Variants in HFM1 observed in about 807,000 individuals in gnomAD.
HFM1 encodes the protein probable ATP-dependent DNA helicase HFM1.
Under a neutral mutation model 192.1 loss-of-function variants are expected in HFM1, and 169 were observed. That is an observed-to-expected ratio of 0.88 (90% CI 0.78 to 1.00). The LOEUF is 1.00. HFM1 is among the 50% of genes least tolerant of loss of function. HFM1 has a pLI of 0.00. For missense variants in HFM1, 1,661 were observed against 1,668.0 expected (o/e 1.00, Z 0.07); for synonymous variants, 525 against 537.8 (o/e 0.98, Z 0.33).
At chr1:91,401,980 A>G (rs963335808) in intron 1 of HFM1, among the ~76,000 whole-genome samples, 9 of 152,078 alleles carry the variant, frequency 5.9e-5, no homozygotes, top group Non-Finnish European at 1.3e-4. Context: ...TTCCCTGCAT[A>G]TCCTATTTTT....
intron 13 of HFM1, among the ~76,000 whole-genome samples, chr1:91,370,847 T>G (rs1285458346): frequency 2.0e-5 from 3 of 152,098 alleles, no homozygotes; most frequent in Admixed American, 1.3e-4. Context: ...AAACCCCATG[T>G]TCCCAGCGCA....
Position 91,276,382 on chromosome 1 carries a change from G to A in HFM1, c.3588+246C>T, listed in dbSNP as rs114009081. On this transcript the variant is annotated intron_variant, in intron 32 of 38. Transcript: ENST00000370425. ...GATTGGGAATAAGACTGTCTTAATC[G>A]TCACTGTATCTTAGCACTTTGGCAT... Among the ~76,000 whole-genome samples the A allele has an allele frequency of 2.7e-3, 417 of 152,122 alleles. 1 individual carries two copies. The highest frequency in any genetic ancestry group is 9.2e-3 in the African/African-American group (380 of 41,502).
At chr1:91,378,344 T>C in intron 10 of HFM1, 59 bp downstream of exon 10, 2 of 1,393,232 alleles carry the variant, frequency 1.4e-6, no homozygotes, top group African/African-American at 1.4e-5. Context: ...TCTTTTTTCT[T>C]TCTGTCTTAT....
chr1:91,298,715 T>C (rs1359736152), intron 30 of HFM1, among the ~76,000 whole-genome samples: 1 of 152,060 alleles, frequency 6.6e-6, no homozygotes, highest in Non-Finnish European at 1.5e-5. Flanking sequence ...AGAAGTAAAA[T>C]CCTTTACAGA....
intron 30 of HFM1, among the ~76,000 whole-genome samples, chr1:91,284,139 G>C (rs2100845786): frequency 6.6e-6 from 1 of 152,114 alleles, no homozygotes; most frequent in South Asian, 2.1e-4. Flanking sequence ...ATAAAGAAAA[G>C]TAGACTGCCT....
chr1:91,277,156 G>T, intron 30 of HFM1, 94 bp from the exon 31 acceptor site: 1 of 625,270 alleles, frequency 1.6e-6, no homozygotes, highest in Non-Finnish European at 2.6e-6. Flanking sequence ...CTTCCTTTCA[G>T]ACAATACAAA....
intron 20 of HFM1, among the ~76,000 whole-genome samples, chr1:91,330,574 A>G (rs958151816): frequency 6.6e-6 from 1 of 152,218 alleles, no homozygotes; most frequent in African/African-American, 2.4e-5. Context: ...CCAAACATTT[A>G]AAGAAGAACT....
intron 4 of HFM1, among the ~76,000 whole-genome samples, chr1:91,392,307 T>C (rs960513612): frequency 3.3e-5 from 5 of 152,234 alleles, no homozygotes; most frequent in African/African-American, 1.2e-4. Flanking sequence ...CGTATGTTTA[T>C]TGCGGCACTA....
intron 30 of HFM1, among the ~76,000 whole-genome samples, chr1:91,308,533 C>T (rs1649975310): frequency 6.6e-6 from 1 of 151,988 alleles, no homozygotes; most frequent in Admixed American, 6.6e-5. Context: ...TTATTTTATA[C>T]TTTTTTTAAA....
At chr1:91,299,319 C>T (rs1648266686) in intron 30 of HFM1, among the ~76,000 whole-genome samples, 1 of 152,050 alleles carries the variant, frequency 6.6e-6, no homozygotes, top group South Asian at 2.1e-4. Flanking sequence ...ACTTAGACTC[C>T]CACACAATAA....
At chr1:91,388,279 G>T (rs981215116) in intron 4 of HFM1, among the ~76,000 whole-genome samples, 1 of 152,184 alleles carries the variant, frequency 6.6e-6, no homozygotes, top group Non-Finnish European at 1.5e-5. Flanking sequence ...TGGGTAGCCT[G>T]GGAATCTCAT....
chr1:91,394,033 A>T, intron 4 of HFM1, 60 bp downstream of exon 4: 1 of 930,756 alleles, frequency 1.1e-6, no homozygotes. Flanking sequence ...TAATACTTTT[A>T]TATGTACAAA....
intron 30 of HFM1, among the ~76,000 whole-genome samples, chr1:91,279,854 C>T (rs1583817): frequency 0.69 from 104,621 of 151,846 alleles, 36,277 homozygotes; most frequent in East Asian, 0.84. Flanking sequence ...CTGTATGCTG[C>T]CTTATATTGA....
intron 13 of HFM1, among the ~76,000 whole-genome samples, chr1:91,360,268 C>G (rs575964797): frequency 9.9e-5 from 15 of 152,096 alleles, no homozygotes; most frequent in Non-Finnish European, 1.0e-4. Context: ...GGATAAAGAG[C>G]CAAGACCCAC....
chr1:91,299,673 C>A (rs1474435737), intron 30 of HFM1, among the ~76,000 whole-genome samples: 1 of 152,166 alleles, frequency 6.6e-6, no homozygotes, highest in Non-Finnish European at 1.5e-5. Flanking sequence ...ACATCCTGCT[C>A]CTGAATGACT....
At position 91,343,417 on chromosome 1, in the gene HFM1, G is replaced by A; in HGVS notation, c.2335+13C>T. The stretch of plus-strand genomic sequence containing the variant: ...AACAATTGCTAAATTTACTGACAAT[G>A]ATAAGAAATTACCAGTTGGTTTGAA... On this transcript the variant is annotated intron_variant, in intron 20 of 38. Coordinates refer to ENST00000370425, the MANE Select transcript of HFM1 (RefSeq NM_001017975.6). The A allele has an allele frequency of 8.0e-7, 1 of 1,253,474 alleles. No homozygotes were observed. Among genetic ancestry groups the A allele is most frequent in the Non-Finnish European group, 1.1e-6 (1 of 885,826 alleles). 77.6% of individuals were successfully genotyped at this position (1,253,474 alleles called of 1,614,324 possible).
At chr1:91,307,403 T>C (rs968989668) in intron 30 of HFM1, among the ~76,000 whole-genome samples, 3 of 152,180 alleles carry the variant, frequency 2.0e-5, no homozygotes, top group Admixed American at 6.6e-5. Flanking sequence ...CATGTCCATG[T>C]TTTCATCTGT....
rs77401955 is a variant in HFM1 at position 91,355,311 on chromosome 1, C to G, written c.1686-2012G>C. 2.2e-3 allele frequency among the ~76,000 whole-genome samples: 338 copies of G among 152,054 alleles called. 1 individual carries two copies. Among genetic ancestry groups the G allele is most frequent in the African/African-American group, 7.6e-3 (315 of 41,502 alleles). ...CAAGAGGAAGAAAGGAACAACTGAT[C>G]TACCAAGCAACCAGAAAACAATTAA... On this transcript the variant is annotated intron_variant, in intron 13 of 38. Coordinates refer to ENST00000370425, the MANE Select transcript of HFM1 (RefSeq NM_001017975.6).
chr1:91,334,089 T>C (rs1654224921), intron 20 of HFM1, among the ~76,000 whole-genome samples: 3 of 152,212 alleles, frequency 2.0e-5, no homozygotes, highest in Non-Finnish European at 4.4e-5. Context: ...GGGAAAATCC[T>C]GTTTATCCAA....
Sources: allele counts gnomAD v4.1 joint callset (sites outside exome capture counted in the v4.1 genomes callset), GRCh38; gene constraint gnomAD v4.1.1; transcripts MANE v1.5; gene names NCBI Gene and HGNC (gene_info 2026-07-23, HGNC 2026-07-21).